The following KANK4 variants were observed in gnomAD, a reference collection of about 807,000 sequenced individuals.
KANK4 encodes the protein KN motif and ankyrin repeat domains 4.
KANK4 carries 50 observed loss-of-function variants against 80.8 expected under a neutral mutation model. That is an observed-to-expected ratio of 0.62 (90% confidence interval 0.49 to 0.78). The LOEUF (loss-of-function observed/expected upper bound fraction) is 0.78, where lower values mean the gene tolerates loss of function less well. Ranked by LOEUF, KANK4 falls within the 30% of genes least tolerant of loss-of-function variation. KANK4 has a pLI of 0.00. For missense variants in KANK4, 1,196 were observed against 1,240.1 expected (o/e 0.96, Z 0.53); for synonymous variants, 465 against 506.9 (o/e 0.92, Z 1.11).
chr1:62,317,385 G>A (rs936134228), intron 1 of KANK4, among the ~76,000 whole-genome samples: 3 of 152,160 alleles, frequency 2.0e-5, no homozygotes, highest in Non-Finnish European at 4.4e-5. Flanking sequence ...TCTGACCAAG[G>A]TGCACACATG....
intron 5 of KANK4, among the ~76,000 whole-genome samples, chr1:62,267,296 T>C (rs562842764): frequency 3.6e-5 from 4 of 109,868 alleles, no homozygotes; most frequent in East Asian, 5.7e-4. Flanking sequence ...GAGTCAGTAA[T>C]ATGAGACTCG....
intron 1 of KANK4, among the ~76,000 whole-genome samples, chr1:62,307,025 G>A (rs1644457317): frequency 6.6e-6 from 1 of 152,142 alleles, no homozygotes; most frequent in Non-Finnish European, 1.5e-5. Flanking sequence ...GTCATCCCCA[G>A]TAAAGATGCC....
intron 9 of KANK4, among the ~76,000 whole-genome samples, 183 bp downstream of exon 9, chr1:62,247,289 G>A (rs1258607755): frequency 6.6e-6 from 1 of 151,132 alleles, no homozygotes; most frequent in Non-Finnish European, 1.5e-5. Context: ...CTGAGGAGGG[G>A]AAGTTAAACA....
chr1:62,268,361 G>A lies in KANK4; in HGVS notation c.2157C>T (p.Gly719=), dbSNP rs141699992. The change falls in exon 5 of 10, where the codon GGC becomes GGT. Residue 719 remains glycine, a synonymous_variant. Coordinates refer to ENST00000371153, the MANE Select transcript of KANK4 (RefSeq NM_181712.5). ...CAGCATGGCAGGTGCCCTCAGGGAT[G>A]CCCTGCCCAGCCTCGCAGGTGAGAT... ...DAHLTCEAGQ[G]IPEGTCHAAQ... is the part of the protein sequence containing the mutation. 1.2e-6 allele frequency: 2 copies of A among 1,613,952 alleles called. No individual in the cohort carries two copies. Among genetic ancestry groups the A allele is most frequent in the African/African-American group, 2.7e-5 (2 of 74,930 alleles).
intron 7 of KANK4, 89 bp from the exon 8 acceptor site, chr1:62,253,298 T>C (rs940773903): frequency 7.7e-7 from 1 of 1,305,716 alleles, no homozygotes; most frequent in African/African-American, 1.5e-5. Flanking sequence ...CACTGCTCGC[T>C]GGTTAGAAAG....
intron 1 of KANK4, among the ~76,000 whole-genome samples, chr1:62,318,598 C>CTCA (rs965684821): frequency 5.3e-5 from 8 of 152,156 alleles, no homozygotes; most frequent in Admixed American, 5.2e-4. Flanking sequence ...GTTGGCACTA[C>CTCA]GGGGAGACTT....
At chr1:62,287,429 C>T (rs938776305) in intron 1 of KANK4, among the ~76,000 whole-genome samples, 3 of 152,182 alleles carry the variant, frequency 2.0e-5, no homozygotes, top group African/African-American at 7.2e-5. Flanking sequence ...TCTGGATGTG[C>T]CTTCCAAGAC....
At chr1:62,281,971 G>C (rs1261835839) in intron 1 of KANK4, among the ~76,000 whole-genome samples, 1 of 152,140 alleles carries the variant, frequency 6.6e-6, no homozygotes, top group South Asian at 2.1e-4. Flanking sequence ...TCAGACCCAG[G>C]CTTCTGATAC....
At chr1:62,241,724 A>G (rs1671346549) in intron 9 of KANK4, among the ~76,000 whole-genome samples, 1 of 152,234 alleles carries the variant, frequency 6.6e-6, no homozygotes, top group Non-Finnish European at 1.5e-5. Flanking sequence ...TTAAGCAGGG[A>G]GTCCTGTAAA....
intron 7 of KANK4, among the ~76,000 whole-genome samples, chr1:62,262,609 C>T (rs1373889898): frequency 2.0e-5 from 3 of 152,038 alleles, no homozygotes; most frequent in African/African-American, 4.8e-5. Flanking sequence ...CTCACATATA[C>T]ATATAATAAA....
chr1:62,303,768 G>T (rs961173894), intron 1 of KANK4, among the ~76,000 whole-genome samples: 9 of 151,746 alleles, frequency 5.9e-5, no homozygotes, highest in African/African-American at 1.9e-4. Flanking sequence ...TAATATTTTG[G>T]ATATATTGGG....
rs370877595 is a variant in KANK4, at chr1:62,237,131, CTTTTTTT to C, written c.*1139_*1145del. 2 of 121,902 alleles carry C rather than the reference CTTTTTTT, an allele frequency of 1.6e-5. No homozygotes were observed. Among genetic ancestry groups the C allele is most frequent in the South Asian group, 2.7e-4 (1 of 3,738 alleles). The allele number at this position is 121,902 out of a possible 1,614,324, so 7.6% of individuals were successfully genotyped here. A position where few individuals can be genotyped will look rare whatever the true frequency, so the allele number is the denominator to read the frequency against. ...ACATTACTTCTTTTTATATAAGGGGCTTTTTTTTTTTTTTTTTGCATAAGAGATTTTA... is the reference window on the plus strand; with the variant it reads ...ACATTACTTCTTTTTATATAAGGGGCTTTTTTTTTTGCATAAGAGATTTTA... On this transcript the variant is annotated 3_prime_UTR_variant, in exon 10 of 10. Transcript: ENST00000371153.
chr1:62,284,094 C>T (rs1355896224), intron 1 of KANK4, among the ~76,000 whole-genome samples: 2 of 152,118 alleles, frequency 1.3e-5, no homozygotes, highest in African/African-American at 2.4e-5. Context: ...GTCGTGTGCA[C>T]AAGTCACCAC....
intron 1 of KANK4, among the ~76,000 whole-genome samples, chr1:62,309,286 TACC>T (rs1226114228): frequency 6.6e-6 from 1 of 152,178 alleles, no homozygotes; most frequent in Non-Finnish European, 1.5e-5. Flanking sequence ...TGACCTAAGT[TACC>T]TCCCAAAGAT....
At chr1:62,314,186 G>A (rs1190080813) in intron 1 of KANK4, among the ~76,000 whole-genome samples, 1 of 152,048 alleles carries the variant, frequency 6.6e-6, no homozygotes, top group Non-Finnish European at 1.5e-5. Flanking sequence ...GCTAATTTTT[G>A]TATTTTTAGT....
chr1:62,274,869 C>T lies in KANK4; in HGVS notation c.235G>A (p.Gly79Arg). The T allele has an allele frequency of 6.2e-7, 1 of 1,614,146 alleles. No homozygotes were observed. Among genetic ancestry groups the T allele is most frequent in the African/African-American group, 1.3e-5 (1 of 75,046 alleles). Residue 79 changes from glycine to arginine, a missense_variant, in exon 3 of 10, where the codon GGG (glycine) becomes AGG (arginine). By Grantham distance (125) the Gly-to-Arg change is moderately radical. Coordinates refer to ENST00000371153, the MANE Select transcript of KANK4 (RefSeq NM_181712.5). ...GGCGGGGCTGCAGGGGGGCGAGCCC[C>T]ACTGTCAGGAAGGCTGAAGTTTCGG... ...LPRNFSLPDS[G>R]ARPPAAPPLQ...
intron 1 of KANK4, among the ~76,000 whole-genome samples, chr1:62,315,418 G>C (rs868489965): frequency 6.6e-6 from 1 of 152,124 alleles, no homozygotes; most frequent in Non-Finnish European, 1.5e-5. Flanking sequence ...CTACACATTG[G>C]GGATTATGGC....
intron 3 of KANK4, 65 bp downstream of exon 3, chr1:62,273,139 C>T (rs1472444053): frequency 8.6e-7 from 1 of 1,167,400 alleles, no homozygotes; most frequent in African/African-American, 1.6e-5. Flanking sequence ...ACCTTGTTCC[C>T]TCTGCCTTAT....
At chr1:62,240,556 C>T (rs1354465719) in intron 9 of KANK4, among the ~76,000 whole-genome samples, 1 of 152,164 alleles carries the variant, frequency 6.6e-6, no homozygotes, top group Non-Finnish European at 1.5e-5. Flanking sequence ...GTAACCCCAG[C>T]TACTTGGGAG....
Sources: gnomAD v4.1 joint callset for allele counts (sites outside exome capture counted in the v4.1 genomes callset) on GRCh38, gnomAD v4.1.1 for gene constraint, MANE v1.5 for transcripts, NCBI Gene and HGNC (gene_info 2026-07-23, HGNC 2026-07-21) for gene names.